Variants in DAPK1 observed in about 807,000 individuals in gnomAD.
DAPK1 encodes the protein death associated protein kinase 1, also known as death-associated protein kinase 1.
Under a neutral mutation model 144.9 loss-of-function variants are expected in DAPK1, and 56 were observed. The observed-to-expected ratio is 0.39, with a 90% CI of 0.31 to 0.48. The LOEUF (loss-of-function observed/expected upper bound fraction) is 0.48, where lower values mean the gene tolerates loss of function less well. Among genes scored for constraint, DAPK1 ranks in the 20% least tolerant of loss-of-function variants. The pLI is 0.95. For synonymous variants in DAPK1, 690 were observed against 749.0 expected, an observed-to-expected ratio of 0.92 and a Z score of 1.29; for missense variants, 1,454 against 1,875.4, an observed-to-expected ratio of 0.78 and a Z score of 4.15.
rs188384839 is a variant in DAPK1 at position 87,662,290 on chromosome 9, C to T, written c.1923+4163C>T. Among the ~76,000 whole-genome samples, 97 of 152,074 alleles carry T rather than the reference C, an allele frequency of 6.4e-4. 1 individual carries two copies. Among genetic ancestry groups the T allele is most frequent in the African/African-American group, 2.0e-3 (85 of 41,496 alleles). ...GCTTTGCTCTTTTTGCTTAGGATTG[C>T]TTTGGCTATTTAGGACCTTTTGTGG... On this transcript the variant is annotated intron_variant, in intron 18 of 25. Coordinates refer to ENST00000408954, the MANE Select transcript of DAPK1 (RefSeq NM_004938.4).
At chr9:87,701,158 T>C (rs1825440691) in intron 24 of DAPK1, among the ~76,000 whole-genome samples, 1 of 152,196 alleles carries the variant, frequency 6.6e-6, no homozygotes, top group Non-Finnish European at 1.5e-5. Context: ...TTTAGAAATA[T>C]AATGGAAAAT....
At chr9:87,684,454 C>G (rs1211684950) in intron 20 of DAPK1, among the ~76,000 whole-genome samples, 2 of 152,236 alleles carry the variant, frequency 1.3e-5, no homozygotes, top group Non-Finnish European at 2.9e-5. Flanking sequence ...TATCATCAGA[C>G]AGCAAGAAGT....
In DAPK1 at chr9:87,686,800, A is replaced by C. The variant is rs1824882067; in HGVS notation, c.2413+61A>C. 1 of 1,429,794 alleles carries C rather than the reference A, an allele frequency of 7.0e-7. No individual in the cohort carries two copies. Among genetic ancestry groups the C allele is most frequent in the Non-Finnish European group, 9.7e-7 (1 of 1,035,964 alleles). 88.6% of individuals were successfully genotyped at this position (1,429,794 alleles called of 1,614,324 possible). A position where few individuals can be genotyped will look rare whatever the true frequency, so the allele number is the denominator to read the frequency against. On this transcript the variant is annotated intron_variant, in intron 21 of 25. Transcript: ENST00000408954. This position sits in a 1 kb window ranked among gnomAD's most constrained non-coding sequence, Gnocchi z 4.2. ...TTTCCCTTCAACAGGGTTGTAAGTCATCCCTAAAGGGAGCTTGTCCTGAGC... is the reference window on the plus strand; with the variant it reads ...TTTCCCTTCAACAGGGTTGTAAGTCCTCCCTAAAGGGAGCTTGTCCTGAGC...
intron 2 of DAPK1, among the ~76,000 whole-genome samples, chr9:87,567,383 G>T: frequency 6.6e-6 from 1 of 152,124 alleles, no homozygotes; most frequent in Admixed American, 6.6e-5. Context: ...TACAGGCTGT[G>T]GGGGAATGGG....
chr9:87,685,737 T>C (rs1824819059), intron 20 of DAPK1, among the ~76,000 whole-genome samples: 1 of 152,206 alleles, frequency 6.6e-6, no homozygotes, highest in Non-Finnish European at 1.5e-5. Flanking sequence ...ACATAATGTT[T>C]CCTTTAAACT....
At chr9:87,584,509 A>G (rs556177763) in intron 2 of DAPK1, among the ~76,000 whole-genome samples, 6 of 152,206 alleles carry the variant, frequency 3.9e-5, no homozygotes, top group South Asian at 4.2e-4. Flanking sequence ...TCTATTTTTA[A>G]TTCTTTGTGG....
chr9:87,630,994 T>G (rs1448283215), intron 3 of DAPK1, among the ~76,000 whole-genome samples: 1 of 152,040 alleles, frequency 6.6e-6, no homozygotes, highest in African/African-American at 2.4e-5. Context: ...TCCAGAGAGG[T>G]GATATGACCT....
chr9:87,661,052 A>C (rs752246298), intron 18 of DAPK1, among the ~76,000 whole-genome samples: 2 of 152,102 alleles, frequency 1.3e-5, no homozygotes, highest in Non-Finnish European at 2.9e-5. Context: ...GTTGGCCAGG[A>C]TGGTCTGGAT....
chr9:87,552,594 TA>T (rs1274887860), intron 2 of DAPK1, among the ~76,000 whole-genome samples: 1 of 151,230 alleles, frequency 6.6e-6, no homozygotes, highest in African/African-American at 2.5e-5. Context: ...CTTTAAAATG[TA>T]CCTCTTTTTT....
chr9:87,591,094 G>T (rs973249871), intron 2 of DAPK1, among the ~76,000 whole-genome samples: 1 of 152,234 alleles, frequency 6.6e-6, no homozygotes, highest in Non-Finnish European at 1.5e-5. Context: ...GTTACCTGAA[G>T]TTATGGCTGA....
intron 22 of DAPK1, chr9:87,698,437 T>C (rs1825334081): frequency 2.2e-6 from 1 of 453,560 alleles, no homozygotes. Flanking sequence ...GCAATTTTCC[T>C]TGTGGCCTAG....
chr9:87,700,954 T>C (rs1825436317), intron 24 of DAPK1, among the ~76,000 whole-genome samples: 1 of 152,240 alleles, frequency 6.6e-6, no homozygotes, highest in Admixed American at 6.5e-5. Context: ...TTGCAAGATA[T>C]GACTATTTTA....
chr9:87,558,950 C>T (rs1322174956), intron 2 of DAPK1, among the ~76,000 whole-genome samples: 2 of 152,192 alleles, frequency 1.3e-5, no homozygotes, highest in Admixed American at 1.3e-4. Context: ...ATTCCAGTCA[C>T]TTGTTGAAAA....
chr9:87,706,613 C>A lies in DAPK1; in HGVS notation c.3542C>A (p.Ala1181Asp). 6.2e-7 allele frequency: 1 copy of A among 1,613,294 alleles called. No individual in the cohort carries two copies. Among genetic ancestry groups the A allele is most frequent in the East Asian group, 2.2e-5 (1 of 44,864 alleles). The change falls in exon 26 of 26, where the codon GCC becomes GAC. Residue 1181 changes from alanine to aspartate, a missense_variant. Ala to Asp is a moderately radical substitution (Grantham distance 126). Coordinates refer to ENST00000408954, the MANE Select transcript of DAPK1 (RefSeq NM_004938.4). This position sits in a 1 kb window ranked among gnomAD's most constrained non-coding sequence, Gnocchi z 9.0. ...VNGCKLANRG[A>D]ELLVLLVNHG... Reference sequence around the variant, plus strand: ...GGCTGCAAGCTGGCCAACCGTGGGGCCGAGCTGCTGGTGCTGCTGGTCAAC... The same window carrying A: ...GGCTGCAAGCTGGCCAACCGTGGGGACGAGCTGCTGGTGCTGCTGGTCAAC...
At chr9:87,592,077 AG>A (rs1241137897) in intron 2 of DAPK1, among the ~76,000 whole-genome samples, 2 of 152,224 alleles carry the variant, frequency 1.3e-5, no homozygotes, top group Non-Finnish European at 2.9e-5. Flanking sequence ...TAAACAGGCC[AG>A]GCTGTCTGAC....
chr9:87,578,213 G>T (rs1393095002), intron 2 of DAPK1, among the ~76,000 whole-genome samples: 5 of 152,182 alleles, frequency 3.3e-5, no homozygotes, highest in Admixed American at 3.3e-4. Flanking sequence ...GTATTAGCTT[G>T]CAGCCTTGCA....
intron 2 of DAPK1, among the ~76,000 whole-genome samples, chr9:87,558,130 A>C (rs1028619692): frequency 1.8e-4 from 28 of 152,100 alleles, no homozygotes; most frequent in Admixed American, 1.8e-3. Flanking sequence ...TTAGCTTGTC[A>C]CAGTCCTGTC....
At chr9:87,607,859 G>A (rs770290392) in intron 3 of DAPK1, among the ~76,000 whole-genome samples, 1 of 152,104 alleles carries the variant, frequency 6.6e-6, no homozygotes, top group Non-Finnish European at 1.5e-5. Context: ...CTGCTATAAA[G>A]GCAGACCTGA....
At chr9:87,555,364 C>G (rs1826670539) in intron 2 of DAPK1, among the ~76,000 whole-genome samples, 1 of 152,192 alleles carries the variant, frequency 6.6e-6, no homozygotes, top group African/African-American at 2.4e-5. Context: ...TTTTCCTTCT[C>G]TGTCACAGAC....
Sources: allele counts gnomAD v4.1 joint callset (sites outside exome capture counted in the v4.1 genomes callset), GRCh38; gene constraint gnomAD v4.1.1; non-coding constraint Gnocchi (gnomAD v3.1); transcripts MANE v1.5; gene names NCBI Gene and HGNC (gene_info 2026-07-23, HGNC 2026-07-21).